TERB2: variants seen among roughly 807,000 people sequenced by gnomAD.
TERB2 encodes telomere repeat binding bouquet formation protein 2, also known as telomere repeats-binding bouquet formation protein 2.
In TERB2, 26 loss-of-function variants were observed where a neutral mutation model predicts 29.8. That is an observed-to-expected ratio of 0.87 (90% confidence interval 0.64 to 1.21). The LOEUF (loss-of-function observed/expected upper bound fraction) is 1.21. Among genes scored for constraint, TERB2 ranks in the 50% most tolerant of loss-of-function variants. The probability of loss-of-function intolerance (pLI) is 0.00; values close to 1 mark genes in which losing one functional copy is unlikely to be tolerated. For missense variants in TERB2, 240 were observed against 268.6 expected (o/e 0.89, Z 0.74); for synonymous variants, 80 against 90.8 (o/e 0.88, Z 0.68).
intron 2 of TERB2, 118 bp downstream of exon 2, chr15:44,957,095 T>TC: frequency 9.3e-7 from 1 of 1,072,412 alleles, no homozygotes; most frequent in South Asian, 1.4e-5. Flanking sequence ...ACACCTATAA[T>TC]CCCAGCTACT....
intron 4 of TERB2, chr15:44,962,966 A>C (rs1405973192): frequency 6.6e-6 from 1 of 152,296 alleles, no homozygotes; most frequent in Admixed American, 6.5e-5. Context: ...ATAAAGAAAA[A>C]AGGAAGGACA....
intron 5 of TERB2, 43 bp downstream of exon 5, chr15:44,966,286 A>G (rs2141242014): frequency 7.8e-7 from 1 of 1,283,916 alleles, no homozygotes; most frequent in Admixed American, 2.9e-5. Flanking sequence ...TTCAATGTAG[A>G]AATCTGTGAG....
intron 6 of TERB2, among the ~76,000 whole-genome samples, chr15:44,977,877 A>C (rs1335667665): frequency 6.6e-5 from 10 of 152,198 alleles, no homozygotes; most frequent in Non-Finnish European, 1.3e-4. Context: ...ATATCAAGTT[A>C]ATATTGCTTA....
chr15:44,964,048 A>T (rs1891848264), intron 4 of TERB2, among the ~76,000 whole-genome samples: 1 of 152,056 alleles, frequency 6.6e-6, no homozygotes, highest in Admixed American at 6.6e-5. Flanking sequence ...TGACCTCGTG[A>T]TCCGCCTGCC....
At chr15:44,958,931 C>A (rs1891762449) in intron 3 of TERB2, among the ~76,000 whole-genome samples, 2 of 152,176 alleles carry the variant, frequency 1.3e-5, no homozygotes, top group Admixed American at 6.5e-5. Flanking sequence ...GTAATCCCAG[C>A]ACTTTGGGAA....
chr15:44,963,682 T>C lies in TERB2; in HGVS notation c.348+2098T>C, dbSNP rs73419354. Among the ~76,000 whole-genome samples the C allele has an allele frequency of 5.4e-3, 826 of 151,950 alleles. 10 individuals carry two copies. The highest frequency in any genetic ancestry group is 0.019 in the African/African-American group (787 of 41,418). On this transcript the variant is annotated intron_variant, in intron 4 of 6. Coordinates refer to ENST00000340827, the MANE Select transcript of TERB2 (RefSeq NM_152448.3). The stretch of plus-strand genomic sequence containing the variant: ...CAGGTATTAGAGAGTGGAAATGTCA[T>C]ATCTGCAAATGTTTTCAAGTGGTTC...
intron 2 of TERB2, 131 bp from the exon 3 acceptor site, chr15:44,958,242 G>A: frequency 5.3e-6 from 6 of 1,121,696 alleles, no homozygotes; most frequent in Non-Finnish European, 7.2e-6. Flanking sequence ...TTCCTTGCCA[G>A]AAAAGGACAG....
chr15:44,957,073 G>A (rs1891727257), intron 2 of TERB2, 96 bp downstream of exon 2: 2 of 1,300,176 alleles, frequency 1.5e-6, no homozygotes, highest in Non-Finnish European at 2.1e-6. Context: ...ATGAGGCTGG[G>A]CGCGGTGGCG....
chr15:44,973,483 A>C (rs1275587389), intron 5 of TERB2: 2 of 152,264 alleles, frequency 1.3e-5, no homozygotes, highest in African/African-American at 4.8e-5. Context: ...TTAAAAGCAC[A>C]AAAGAAGTTC....
chr15:44,965,036 G>C (rs1196053966), intron 4 of TERB2, among the ~76,000 whole-genome samples: 1 of 151,486 alleles, frequency 6.6e-6, no homozygotes, highest in Non-Finnish European at 1.5e-5. Context: ...GGTGGCTGGC[G>C]CCTGTAATCT....
intron 4 of TERB2, among the ~76,000 whole-genome samples, chr15:44,962,000 C>G (rs1891812175): frequency 6.6e-6 from 1 of 151,538 alleles, no homozygotes; most frequent in African/African-American, 2.4e-5. Context: ...GTGCCCAGCA[C>G]AGATTAAGAA....
In TERB2 at chr15:44,978,858, T is replaced by C. The variant is rs1323497168; in HGVS notation, c.*230T>C. On this transcript the variant is annotated 3_prime_UTR_variant, in exon 7 of 7. Transcript: ENST00000340827. ...AATATTCTCAATGCACAGTTGTTAA[T>C]GAGTAATTGCCGTTAAAATATATTT... The C allele has an allele frequency of 2.8e-6, 1 of 352,804 alleles. No homozygotes were observed. Among genetic ancestry groups the C allele is most frequent in the East Asian group, 6.4e-5 (1 of 15,532 alleles). 21.9% of individuals were successfully genotyped at this position (352,804 alleles called of 1,614,324 possible). A position where few individuals can be genotyped will look rare whatever the true frequency, so the allele number is the denominator to read the frequency against.
At chr15:44,967,616 T>C (rs1378398806) in intron 5 of TERB2, among the ~76,000 whole-genome samples, 22 of 151,894 alleles carry the variant, frequency 1.4e-4, no homozygotes, top group East Asian at 1.4e-3. Context: ...CCTTTATCAG[T>C]GCCTGGAAAT....
chr15:44,975,927 TTGC>T, intron 6 of TERB2, among the ~76,000 whole-genome samples: 1 of 152,330 alleles, frequency 6.6e-6, no homozygotes, highest in Non-Finnish European at 1.5e-5. Flanking sequence ...TGTAAATACT[TTGC>T]TGGCAACAAT....
chr15:44,957,122 G>C, intron 2 of TERB2, 145 bp downstream of exon 2: 1 of 905,266 alleles, frequency 1.1e-6, no homozygotes, highest in Non-Finnish European at 1.7e-6. Context: ...ACTGAAGCAG[G>C]AGAATCGCTT....
chr15:44,958,298 T>G, intron 2 of TERB2, 75 bp from the exon 3 acceptor site: 1 of 1,475,060 alleles, frequency 6.8e-7, no homozygotes. Flanking sequence ...TTCCAGTGAT[T>G]TATTTATTCT....
chr15:44,961,297 T>C (rs1891800549), intron 3 of TERB2, among the ~76,000 whole-genome samples: 2 of 150,976 alleles, frequency 1.3e-5, no homozygotes, highest in African/African-American at 2.4e-5. Context: ...CAACAATGAT[T>C]AGCAAAGTGT....
chr15:44,970,655 CTCA>C (rs1566946311), intron 5 of TERB2: 1 of 167,902 alleles, frequency 6.0e-6, no homozygotes, highest in Admixed American at 6.3e-5. Context: ...ACCTTCTTTC[CTCA>C]TCAACTCTTG....
chr15:44,967,547 G>C (rs559513820), intron 5 of TERB2, among the ~76,000 whole-genome samples: 47 of 152,358 alleles, frequency 3.1e-4, no homozygotes, highest in African/African-American at 1.1e-3. Flanking sequence ...GAGGGTTTAA[G>C]GAATCTGGCT....
Sources: gnomAD v4.1 joint callset for allele counts (sites outside exome capture counted in the v4.1 genomes callset) on GRCh38, gnomAD v4.1.1 for gene constraint, MANE v1.5 for transcripts, NCBI Gene and HGNC (gene_info 2026-07-23, HGNC 2026-07-21) for gene names.